Variants in FAM210A observed in about 807,000 individuals in gnomAD.
The protein encoded by FAM210A is family with sequence similarity 210 member A.
Under a neutral mutation model 25.3 loss-of-function variants are expected in FAM210A, and 13 were observed. The observed-to-expected ratio is 0.51, with a 90% CI of 0.33 to 0.82. FAM210A has a LOEUF of 0.82. Among genes scored for constraint, FAM210A ranks in the 40% least tolerant of loss-of-function variants. The pLI, the probability that FAM210A is intolerant of heterozygous loss-of-function variation, is 0.02. For synonymous variants in FAM210A, 125 were observed against 118.7 expected, an observed-to-expected ratio of 1.05 and a Z score of -0.35; for missense variants, 319 against 323.2, an observed-to-expected ratio of 0.99 and a Z score of 0.10.
At position 13,666,551 on chromosome 18, in the gene FAM210A, T is replaced by C; in HGVS notation, c.748A>G (p.Thr250Ala). ...KELITEKMEE[T>A]KDRLTEKLQE... ...AACTTTTCAGTGAGTCTATCTTTTG[T>C]TTCTTCCATTTTCTCTGTGATAAGC... is the stretch of plus-strand genomic sequence containing the variant. The change falls in exon 4 of 4, where the codon ACA becomes GCA. Residue 250 changes from threonine to alanine, a missense_variant. Coordinates refer to ENST00000651643, the MANE Select transcript of FAM210A (RefSeq NM_152352.4). 6.2e-7 allele frequency: 1 copy of C among 1,614,210 alleles called. No individual in the cohort carries two copies. Among genetic ancestry groups the C allele is most frequent in the Non-Finnish European group, 8.5e-7 (1 of 1,180,044 alleles).
At chr18:13,676,649 C>G (rs1229034874) in intron 2 of FAM210A, among the ~76,000 whole-genome samples, 1 of 152,186 alleles carries the variant, frequency 6.6e-6, no homozygotes, top group Admixed American at 6.5e-5. Flanking sequence ...AATATATAAT[C>G]TAGATTACAG....
At chr18:13,674,143 T>C (rs1241888926) in intron 2 of FAM210A, among the ~76,000 whole-genome samples, 1 of 150,830 alleles carries the variant, frequency 6.6e-6, no homozygotes, top group Non-Finnish European at 1.5e-5. Flanking sequence ...CAGGCTTCTT[T>C]ATTTCCAGTT....
chr18:13,722,523 C>CA (rs994143180), intron 1 of FAM210A, among the ~76,000 whole-genome samples: 3 of 152,072 alleles, frequency 2.0e-5, no homozygotes, highest in African/African-American at 7.2e-5. Flanking sequence ...CTTCTACTGG[C>CA]AAAAAAGAGT....
At chr18:13,693,462 T>C (rs530853299) in intron 1 of FAM210A, among the ~76,000 whole-genome samples, 13 of 152,306 alleles carry the variant, frequency 8.5e-5, no homozygotes, top group Admixed American at 8.5e-4. Context: ...TTTAGACCAA[T>C]ATCCCTGATG....
intron 1 of FAM210A, among the ~76,000 whole-genome samples, chr18:13,688,077 T>A (rs1778007830): frequency 6.6e-6 from 1 of 152,188 alleles, no homozygotes; most frequent in South Asian, 2.1e-4. Flanking sequence ...TACTAGCTTA[T>A]CTTCCCATGT....
intron 2 of FAM210A, 36 bp from the exon 3 acceptor site, chr18:13,672,009 A>G: frequency 7.2e-7 from 1 of 1,394,642 alleles, no homozygotes. Context: ...ATATGTACAA[A>G]CTTTTAATGA....
chr18:13,723,551 C>G (rs2043912952), intron 1 of FAM210A, among the ~76,000 whole-genome samples: 1 of 152,156 alleles, frequency 6.6e-6, no homozygotes, highest in African/African-American at 2.4e-5. Context: ...ATACTGTCTT[C>G]TTCAGGACAC....
In FAM210A at chr18:13,684,806, C is replaced by T. The variant is rs191953585; in HGVS notation, c.-28-2701G>A. On this transcript the variant is annotated intron_variant, in intron 1 of 3. Transcript: ENST00000651643. ...TTCAACAAGCAGACCCCATGCTGGG[C>T]CATTAAATATACTGTAACAAATTCT... 5.3e-5 allele frequency among the ~76,000 whole-genome samples: 8 copies of T among 152,256 alleles called. No homozygotes were observed. The East Asian group carries it at 1.5e-3, about 29-fold the overall frequency.
At chr18:13,721,602 G>A (rs1024032878) in intron 1 of FAM210A, among the ~76,000 whole-genome samples, 5 of 152,162 alleles carry the variant, frequency 3.3e-5, no homozygotes, top group Admixed American at 2.0e-4. Flanking sequence ...TACCACGATC[G>A]CCCTCACTCC....
chr18:13,672,894 C>T (rs867835578), intron 2 of FAM210A, among the ~76,000 whole-genome samples: 1 of 152,144 alleles, frequency 6.6e-6, no homozygotes, highest in Non-Finnish European at 1.5e-5. Flanking sequence ...TAACATATAC[C>T]GCGACAAATT....
intron 1 of FAM210A, among the ~76,000 whole-genome samples, chr18:13,694,004 TC>T (rs2043671806): frequency 1.3e-5 from 2 of 152,184 alleles, no homozygotes; most frequent in Admixed American, 1.3e-4. Flanking sequence ...GCCCAAAATC[TC>T]CTTAAACCTG....
chr18:13,696,068 C>G (rs1397753543), intron 1 of FAM210A, among the ~76,000 whole-genome samples: 1 of 152,062 alleles, frequency 6.6e-6, no homozygotes. Flanking sequence ...CCTCAAAACT[C>G]TGAAAGAAAT....
At chr18:13,721,515 C>T (rs534953119) in intron 1 of FAM210A, among the ~76,000 whole-genome samples, 2 of 152,186 alleles carry the variant, frequency 1.3e-5, no homozygotes, top group Non-Finnish European at 2.9e-5. Context: ...TGCAATTCCT[C>T]CTGGAATGCG....
At chr18:13,708,107 G>A (rs56954661) in intron 1 of FAM210A, among the ~76,000 whole-genome samples, 1,733 of 152,302 alleles carry the variant, frequency 0.011, 37 homozygotes, top group African/African-American at 0.04. Flanking sequence ...CTCTGCTGCG[G>A]TTCCCATTGT....
chr18:13,692,720 C>T (rs1310837077), intron 1 of FAM210A, among the ~76,000 whole-genome samples: 1 of 152,116 alleles, frequency 6.6e-6, no homozygotes, highest in African/African-American at 2.4e-5. Context: ...ACACAACATA[C>T]CAGAATCTCT....
Position 13,718,909 on chromosome 18 carries a change from C to T in FAM210A, c.-29+7420G>A, listed in dbSNP as rs1893944959. On this transcript the variant is annotated intron_variant, in intron 1 of 3. Transcript: ENST00000651643. ...TTTTGTCAGTGTTTACTGTATCAAG[C>T]ATATTTCAGAAAATGTCATTTGATC... Among the ~76,000 whole-genome samples, 4 of 152,110 alleles carry T rather than the reference C, an allele frequency of 2.6e-5. No individual in the cohort carries two copies. In the South Asian group the frequency reaches 8.3e-4, roughly 32 times the overall value.
intron 3 of FAM210A, among the ~76,000 whole-genome samples, chr18:13,671,313 T>C (rs1211161858): frequency 6.6e-6 from 1 of 151,944 alleles, no homozygotes; most frequent in African/African-American, 2.4e-5. Context: ...AACAGTAAAA[T>C]AAATGCTAAA....
rs55897590 is a variant in FAM210A, at chr18:13,694,274, C to CACT, written c.-28-12170_-28-12169insAGT. On this transcript the variant is annotated intron_variant, in intron 1 of 3. Coordinates refer to ENST00000651643, the MANE Select transcript of FAM210A (RefSeq NM_152352.4). Reference sequence around the variant, plus strand: ...TTCCATGCTTACGGATAGGAAGAATCGTTGTGAAAATGGCCATACTGCCCA... The same window carrying CACT: ...TTCCATGCTTACGGATAGGAAGAATCACTGTTGTGAAAATGGCCATACTGCCCA... 2.0e-5 allele frequency among the ~76,000 whole-genome samples: 3 copies of CACT among 151,956 alleles called. No homozygotes were observed. In the East Asian group the frequency reaches 5.8e-4, roughly 29 times the overall value.
intron 1 of FAM210A, among the ~76,000 whole-genome samples, chr18:13,719,135 T>C (rs532260375): frequency 6.6e-6 from 1 of 152,346 alleles, no homozygotes; most frequent in South Asian, 2.1e-4. Flanking sequence ...TAACATTATA[T>C]ATGACATTCA....
Sources: gnomAD v4.1 joint callset for allele counts (sites outside exome capture counted in the v4.1 genomes callset) on GRCh38, gnomAD v4.1.1 for gene constraint, MANE v1.5 for transcripts, NCBI Gene and HGNC (gene_info 2026-07-23, HGNC 2026-07-21) for gene names.